The following MACROD2 variants were observed in gnomAD, a reference collection of about 807,000 sequenced individuals.
MACROD2 encodes mono-ADP ribosylhydrolase 2.
Under a neutral mutation model 70.4 loss-of-function variants are expected in MACROD2, and 36 were observed. The ratio of observed to expected loss-of-function variants is 0.51; its 90% CI spans 0.39 to 0.68. The LOEUF (loss-of-function observed/expected upper bound fraction) is 0.68, where lower values mean the gene tolerates loss of function less well. Ranked by LOEUF, MACROD2 falls within the 30% of genes least tolerant of loss-of-function variation. The pLI is 0.00. For missense variants in MACROD2, 496 were observed against 538.4 expected (o/e 0.92, Z 0.78); for synonymous variants, 172 against 178.8 (o/e 0.96, Z 0.30).
At chr20:15,962,584 A>C (rs776053492) in intron 12 of MACROD2, among the ~76,000 whole-genome samples, 3 of 152,222 alleles carry the variant, frequency 2.0e-5, no homozygotes, top group African/African-American at 4.8e-5. Flanking sequence ...GCATTATGGT[A>C]GTTTTCCCAG....
At chr20:15,909,554 C>G (rs1227750947) in intron 10 of MACROD2, among the ~76,000 whole-genome samples, 1 of 113,416 alleles carries the variant, frequency 8.8e-6, no homozygotes, top group Non-Finnish European at 1.6e-5. Flanking sequence ...GACGGAGTCT[C>G]TCTCTGTCGC....
intron 3 of MACROD2, among the ~76,000 whole-genome samples, chr20:14,188,920 C>T (rs965681755): frequency 2.6e-5 from 4 of 152,092 alleles, no homozygotes; most frequent in African/African-American, 9.7e-5. Flanking sequence ...TGTAATTCAG[C>T]TCTTAAATTT....
chr20:15,994,919 G>A (rs1456659670), intron 15 of MACROD2, among the ~76,000 whole-genome samples: 1 of 152,022 alleles, frequency 6.6e-6, no homozygotes, highest in African/African-American at 2.4e-5. Context: ...ACAATTCACT[G>A]TTTCAAAGAT....
intron 5 of MACROD2, among the ~76,000 whole-genome samples, chr20:14,927,316 A>G (rs1284873571): frequency 6.6e-6 from 1 of 152,194 alleles, no homozygotes; most frequent in Non-Finnish European, 1.5e-5. Flanking sequence ...AATCCATTCT[A>G]TGTAGTTTAA....
intron 4 of MACROD2, among the ~76,000 whole-genome samples, chr20:14,683,914 C>T (rs2123593928): frequency 6.6e-6 from 1 of 152,096 alleles, no homozygotes; most frequent in Middle Eastern, 3.4e-3. Context: ...GCCCCAAATC[C>T]TCAATTTCCT....
chr20:14,380,034 C>G (rs1232429119), intron 3 of MACROD2, among the ~76,000 whole-genome samples: 2 of 152,066 alleles, frequency 1.3e-5, no homozygotes, highest in Admixed American at 6.5e-5. Flanking sequence ...AAAACCATTA[C>G]ATTTTCTATA....
chr20:14,826,255 C>A (rs1026154818), intron 5 of MACROD2, among the ~76,000 whole-genome samples: 22 of 151,752 alleles, frequency 1.4e-4, no homozygotes, highest in African/African-American at 5.1e-4. Flanking sequence ...AGCCTGAACC[C>A]ACAATACCCA....
intron 5 of MACROD2, among the ~76,000 whole-genome samples, chr20:15,126,241 A>G (rs2076066097): frequency 6.6e-6 from 1 of 151,106 alleles, no homozygotes. Flanking sequence ...TGGGTCACAT[A>G]GTAATTTTAT....
intron 8 of MACROD2, among the ~76,000 whole-genome samples, chr20:15,699,570 C>T (rs2050425556): frequency 6.6e-6 from 1 of 152,144 alleles, no homozygotes; most frequent in Admixed American, 6.5e-5. Flanking sequence ...GGAGGGGGCG[C>T]TTTCCAGAAA....
At chr20:15,672,386 C>CACAT (rs1555858317) in intron 8 of MACROD2, among the ~76,000 whole-genome samples, 11 of 150,302 alleles carry the variant, frequency 7.3e-5, no homozygotes, top group East Asian at 1.9e-4. Flanking sequence ...CACACACACA[C>CACAT]GTAGAGTCAT....
chr20:15,973,066 T>C (rs1363773369), intron 13 of MACROD2, among the ~76,000 whole-genome samples: 1 of 152,102 alleles, frequency 6.6e-6, no homozygotes, highest in African/African-American at 2.4e-5. Flanking sequence ...GGGTTTTGAT[T>C]AAACTTTGGT....
At chr20:14,443,228 G>C (rs1052110254) in intron 3 of MACROD2, among the ~76,000 whole-genome samples, 1 of 151,814 alleles carries the variant, frequency 6.6e-6, no homozygotes, top group Non-Finnish European at 1.5e-5. Flanking sequence ...CTGGGTAGAG[G>C]CTGGGACAAG....
At chr20:15,105,056 G>T (rs181891502) in intron 5 of MACROD2, among the ~76,000 whole-genome samples, 2 of 152,062 alleles carry the variant, frequency 1.3e-5, no homozygotes, top group Admixed American at 6.6e-5. Flanking sequence ...TGAAGAAGAC[G>T]CACAACATAT....
chr20:14,145,027 T>C (rs2054927294), intron 3 of MACROD2, among the ~76,000 whole-genome samples: 1 of 152,178 alleles, frequency 6.6e-6, no homozygotes, highest in East Asian at 1.9e-4. Flanking sequence ...TGAGAAGATA[T>C]CCTCTGGATT....
At chr20:15,994,359 A>T (rs1005888163) in intron 15 of MACROD2, among the ~76,000 whole-genome samples, 2 of 152,186 alleles carry the variant, frequency 1.3e-5, no homozygotes, top group Admixed American at 6.5e-5. Flanking sequence ...TTAAAGTAAG[A>T]CACAATAATT....
chr20:15,917,865 A>C (rs532739827), intron 10 of MACROD2, among the ~76,000 whole-genome samples: 9 of 152,118 alleles, frequency 5.9e-5, no homozygotes, highest in Middle Eastern at 3.2e-3. Flanking sequence ...GGAAAAAAAA[A>C]AAAGCTGAAG....
At chr20:14,082,280 G>C (rs2054008271) in intron 2 of MACROD2, among the ~76,000 whole-genome samples, 2 of 136,620 alleles carry the variant, frequency 1.5e-5, no homozygotes, top group Non-Finnish European at 3.0e-5. Flanking sequence ...CCAGGTTCCA[G>C]TGATTCTCCT....
chr20:14,973,310 C>A (rs1043748176), intron 5 of MACROD2, among the ~76,000 whole-genome samples: 1 of 146,694 alleles, frequency 6.8e-6, no homozygotes, highest in Non-Finnish European at 1.5e-5. Flanking sequence ...TGGTTCACTG[C>A]AACCTGGGTT....
At chr20:15,579,380 G>A (rs2048492923) in intron 8 of MACROD2, among the ~76,000 whole-genome samples, 1 of 152,140 alleles carries the variant, frequency 6.6e-6, no homozygotes, top group Non-Finnish European at 1.5e-5. Flanking sequence ...GACATTTCAA[G>A]TGCTCAGAAG....
Sources: gnomAD v4.1 joint callset for allele counts (sites outside exome capture counted in the v4.1 genomes callset) on GRCh38, gnomAD v4.1.1 for gene constraint, MANE v1.5 for transcripts, NCBI Gene and HGNC (gene_info 2026-07-23, HGNC 2026-07-21) for gene names.